The following CCDC198 variants were observed in gnomAD, a reference collection of about 807,000 sequenced individuals.
The protein encoded by CCDC198 is factor associated with metabolism and energy.
Under a neutral mutation model 35.6 loss-of-function variants are expected in CCDC198, and 18 were observed. The ratio of observed to expected loss-of-function variants is 0.51; its 90% CI spans 0.35 to 0.75. CCDC198 has a LOEUF of 0.75. CCDC198 is among the 30% of genes least tolerant of loss of function. The pLI is 0.01. For missense variants in CCDC198, 365 were observed against 343.7 expected, an observed-to-expected ratio of 1.06 and a Z score of -0.49; for synonymous variants, 119 against 113.4, an observed-to-expected ratio of 1.05 and a Z score of -0.31.
intron 2 of CCDC198, among the ~76,000 whole-genome samples, chr14:57,485,727 A>C (rs1289135302): frequency 6.6e-6 from 1 of 152,216 alleles, no homozygotes; most frequent in Non-Finnish European, 1.5e-5. Flanking sequence ...AGACCTGGTA[A>C]GGAAGAGAAG....
intron 3 of CCDC198, among the ~76,000 whole-genome samples, chr14:57,482,754 G>A (rs1033267938): frequency 6.6e-6 from 1 of 152,152 alleles, no homozygotes; most frequent in Non-Finnish European, 1.5e-5. Context: ...ATTTTTCACA[G>A]ATTTGAAAAC....
rs75838514 is a variant in CCDC198 at position 57,486,376 on chromosome 14, C to T, written c.307-3225G>A. On this transcript the variant is annotated intron_variant, in intron 2 of 5. Transcript: ENST00000216445. ...GTTGAACAGCTAGAAAGTGGCATCT[C>T]CAGGATTTAAGCGCAAGTGTGTCCA... Among the ~76,000 whole-genome samples, 349 of 152,188 alleles carry T rather than the reference C, an allele frequency of 2.3e-3. 1 individual carries two copies. The highest frequency in any genetic ancestry group is 7.9e-3 in the African/African-American group (326 of 41,516).
At chr14:57,477,811 C>T (rs908943321) in intron 5 of CCDC198, among the ~76,000 whole-genome samples, 2 of 152,106 alleles carry the variant, frequency 1.3e-5, no homozygotes, top group Non-Finnish European at 2.9e-5. Context: ...GATTCTCTTG[C>T]CTCAGCCTCC....
At chr14:57,485,881 T>C (rs894590043) in intron 2 of CCDC198, among the ~76,000 whole-genome samples, 1 of 152,222 alleles carries the variant, frequency 6.6e-6, no homozygotes, top group Admixed American at 6.5e-5. Context: ...GAAGTGGGTC[T>C]TTTAACATAA....
intron 2 of CCDC198, among the ~76,000 whole-genome samples, chr14:57,485,963 T>A (rs1184935299): frequency 2.6e-5 from 4 of 152,138 alleles, no homozygotes; most frequent in Non-Finnish European, 5.9e-5. Context: ...GTCTTAACTC[T>A]GCAGGACATG....
At chr14:57,487,934 C>G (rs2067420416) in intron 2 of CCDC198, among the ~76,000 whole-genome samples, 1 of 152,166 alleles carries the variant, frequency 6.6e-6, no homozygotes, top group East Asian at 1.9e-4. Flanking sequence ...TCCCTCCTCT[C>G]TGGGAGCTGA....
rs371814894 is a variant in CCDC198 at position 57,469,542 on chromosome 14, T to C, written c.*1813A>G. The C allele has an allele frequency of 2.6e-5, 4 of 152,358 alleles. No homozygotes were observed. Among genetic ancestry groups the C allele is most frequent in the Non-Finnish European group, 1.5e-5 (1 of 68,044 alleles). 9.4% of individuals were successfully genotyped at this position (152,358 alleles called of 1,614,324 possible). A position where few individuals can be genotyped will look rare whatever the true frequency, so the allele number is the denominator to read the frequency against. ...ATCCCATTTTTTGTGTTTTAAGCCTTCCAAATTGACCACAATAAGTGAGGA... is the reference window on the plus strand; with the variant it reads ...ATCCCATTTTTTGTGTTTTAAGCCTCCCAAATTGACCACAATAAGTGAGGA... On this transcript the variant is annotated 3_prime_UTR_variant, in exon 6 of 6. Transcript: ENST00000216445.
intron 5 of CCDC198, among the ~76,000 whole-genome samples, chr14:57,478,116 C>T (rs143759684): frequency 1.6e-3 from 247 of 152,314 alleles, no homozygotes; most frequent in African/African-American, 5.5e-3. Context: ...TCTCCCTTCT[C>T]TACACTCCAT....
chr14:57,486,778 T>C (rs1040752064), intron 2 of CCDC198, among the ~76,000 whole-genome samples: 17 of 152,180 alleles, frequency 1.1e-4, no homozygotes, highest in African/African-American at 4.1e-4. Flanking sequence ...TTTGATAGTA[T>C]AAATATGTAG....
intron 4 of CCDC198, 33 bp from the exon 5 acceptor site, chr14:57,480,787 C>T: frequency 6.2e-7 from 1 of 1,609,994 alleles, no homozygotes; most frequent in Non-Finnish European, 8.5e-7. Context: ...GATCAATGTT[C>T]TTCCCAAGCT....
intron 2 of CCDC198, among the ~76,000 whole-genome samples, chr14:57,490,436 G>A (rs2067523960): frequency 3.3e-5 from 5 of 152,164 alleles, no homozygotes; most frequent in Non-Finnish European, 7.4e-5. Flanking sequence ...AAAGGTTAAA[G>A]ATAGAAGGAC....
chr14:57,469,940 A>C lies in CCDC198; in HGVS notation c.*1415T>G, dbSNP rs1041092348. The C allele has an allele frequency of 1.3e-5, 2 of 152,198 alleles. No homozygotes were observed. The highest frequency in any genetic ancestry group is 2.9e-5 in the Non-Finnish European group (2 of 68,036). 9.4% of individuals were successfully genotyped at this position (152,198 alleles called of 1,614,324 possible). On this transcript the variant is annotated 3_prime_UTR_variant, in exon 6 of 6. Coordinates refer to ENST00000216445, the MANE Select transcript of CCDC198 (RefSeq NM_018168.4). ...TTTGCTTTGTTTTAAAGCTTTAATA[A>C]ATTCTTGGAAGATTCTGGATTGCTT...
chr14:57,491,651 G>A (rs1324736118), intron 1 of CCDC198, among the ~76,000 whole-genome samples: 1 of 152,036 alleles, frequency 6.6e-6, no homozygotes, highest in African/African-American at 2.4e-5. Context: ...ACAAGCTGGG[G>A]ATACAGAGTT....
chr14:57,474,978 C>T (rs2066923576), intron 5 of CCDC198, among the ~76,000 whole-genome samples: 1 of 152,184 alleles, frequency 6.6e-6, no homozygotes, highest in South Asian at 2.1e-4. Flanking sequence ...AAAAATAAAA[C>T]AGGCTGGGCA....
intron 5 of CCDC198, chr14:57,475,776 G>A (rs2066969928): frequency 1.7e-5 from 5 of 290,626 alleles, no homozygotes; most frequent in Admixed American, 1.5e-4. Flanking sequence ...ACATTTGTAC[G>A]GCACTTAGCT....
chr14:57,471,109 C>T lies in CCDC198; in HGVS notation c.*246G>A. 2.6e-6 allele frequency: 1 copy of T among 389,374 alleles called. No individual in the cohort carries two copies. The highest frequency in any genetic ancestry group is 4.6e-6 in the Non-Finnish European group (1 of 216,888). 24.1% of individuals were successfully genotyped at this position (389,374 alleles called of 1,614,324 possible). ...AGAAGAACCACCTAGCTGAACTCAG[C>T]AACCCACAGGAAAGTGAGACAATAA... On this transcript the variant is annotated 3_prime_UTR_variant, in exon 6 of 6. Transcript: ENST00000216445.
intron 5 of CCDC198, among the ~76,000 whole-genome samples, chr14:57,471,903 C>T (rs907184713): frequency 6.6e-6 from 1 of 151,160 alleles, no homozygotes; most frequent in African/African-American, 2.4e-5. Flanking sequence ...ATGCATATAT[C>T]TATCTATCTA....
chr14:57,471,394 C>G lies in CCDC198; in HGVS notation c.852G>C (p.Glu284Asp). Residue 284 changes from glutamate (E) to aspartate (D), a missense_variant, in exon 6 of 6, where the codon GAG (glutamate) becomes GAC (aspartate). Coordinates refer to ENST00000216445, the MANE Select transcript of CCDC198 (RefSeq NM_018168.4). ...AAAACTCATCGAAAAGTGGGATTCT[C>G]TCTGTCCTGGTCCTCACCAGTGCTC... is the stretch of plus-strand genomic sequence containing the variant. The part of the protein sequence containing the change: ...KPRALVRTRT[E>D]RIPLFDEFFD... 1.2e-6 allele frequency: 2 copies of G among 1,613,886 alleles called. No homozygotes were observed. The highest frequency in any genetic ancestry group is 1.7e-6 in the Non-Finnish European group (2 of 1,179,928).
At chr14:57,485,432 C>T (rs532165017) in intron 2 of CCDC198, among the ~76,000 whole-genome samples, 2 of 152,242 alleles carry the variant, frequency 1.3e-5, no homozygotes, top group South Asian at 4.1e-4. Context: ...CTACTCCCAC[C>T]TTAGTCCAAC....
Sources: gnomAD v4.1 joint callset for allele counts (sites outside exome capture counted in the v4.1 genomes callset) on GRCh38, gnomAD v4.1.1 for gene constraint, MANE v1.5 for transcripts, NCBI Gene and HGNC (gene_info 2026-07-23, HGNC 2026-07-21) for gene names.